The following ACOXL variants were observed in gnomAD, a reference collection of about 807,000 sequenced individuals.
ACOXL encodes the protein acyl-CoA oxidase like.
Under a neutral mutation model 71.9 loss-of-function variants are expected in ACOXL, and 70 were observed. That is an observed-to-expected ratio of 0.97 (90% CI 0.80 to 1.19). The LOEUF (loss-of-function observed/expected upper bound fraction) is 1.19. Ranked by LOEUF, ACOXL falls within the 50% of genes most tolerant of loss-of-function variation. The probability of loss-of-function intolerance (pLI) is 0.00; values close to 1 mark genes in which losing one functional copy is unlikely to be tolerated. For missense variants in ACOXL, 703 were observed against 736.3 expected, an observed-to-expected ratio of 0.95 and a Z score of 0.52; for synonymous variants, 253 against 281.6, an observed-to-expected ratio of 0.90 and a Z score of 1.02.
At chr2:111,081,173 C>T (rs1396328955) in intron 16 of ACOXL, among the ~76,000 whole-genome samples, 1 of 152,050 alleles carries the variant, frequency 6.6e-6, no homozygotes. Context: ...CTGGCCAGGG[C>T]AATCAGGCAA....
At position 110,924,728 on chromosome 2, in the gene ACOXL, G is replaced by C. The variant is rs532426829; in HGVS notation, c.906-8761G>C. Among the ~76,000 whole-genome samples the C allele has an allele frequency of 6.6e-4, 100 of 152,102 alleles. 2 individuals are homozygous for C. The highest frequency in any genetic ancestry group is 2.4e-3 in the African/African-American group (98 of 41,514). ...TTGAACCCCTCAAAGTCATCCATGA[G>C]GGTTGGAACATCAACTTCTTCTGAA... On this transcript the variant is annotated intron_variant, in intron 11 of 17. Transcript: ENST00000439055.
intron 10 of ACOXL, among the ~76,000 whole-genome samples, chr2:110,865,152 T>C (rs1466128005): frequency 1.3e-5 from 2 of 152,254 alleles, no homozygotes; most frequent in African/African-American, 4.8e-5. Context: ...ACTGGAAATG[T>C]AGGTATCAAT....
chr2:110,814,752 A>G (rs981031387), intron 9 of ACOXL, among the ~76,000 whole-genome samples: 14 of 152,224 alleles, frequency 9.2e-5, no homozygotes, highest in Non-Finnish European at 2.1e-4. Context: ...ATGTCAAAAT[A>G]TCTTTACAAT....
Position 111,117,902 on chromosome 2 carries a change from G to T in ACOXL, c.*86G>T. 7.1e-7 allele frequency: 1 copy of T among 1,417,872 alleles called. No individual in the cohort carries two copies. The highest frequency in any genetic ancestry group is 9.4e-7 in the Non-Finnish European group (1 of 1,067,796). The allele number at this position is 1,417,872 out of a possible 1,614,324, so 87.8% of individuals were successfully genotyped here. ...GCCCAGAGCTGTGGCCGAGGCCGGG[G>T]GCTGGCACCCGCTGGGCCGCCACTC... On this transcript the variant is annotated 3_prime_UTR_variant, in exon 18 of 18. Coordinates refer to ENST00000439055, the MANE Select transcript of ACOXL (RefSeq NM_001142807.4).
At chr2:110,737,728 T>G (rs58569659) in intron 1 of ACOXL, among the ~76,000 whole-genome samples, 2,753 of 152,260 alleles carry the variant, frequency 0.018, 90 homozygotes, top group African/African-American at 0.06. Flanking sequence ...CTCCTGCCCC[T>G]CATGGACACA....
intron 14 of ACOXL, among the ~76,000 whole-genome samples, chr2:110,999,352 CA>C (rs531384974): frequency 6.6e-6 from 1 of 152,160 alleles, no homozygotes; most frequent in Non-Finnish European, 1.5e-5. Flanking sequence ...TAAATATGGT[CA>C]CATCCTGAGG....
Position 111,118,484 on chromosome 2 carries a change from G to A in ACOXL, c.*668G>A, listed in dbSNP as rs1412341976. 6.6e-6 allele frequency among the ~76,000 whole-genome samples: 1 copy of A among 152,174 alleles called. No individual in the cohort carries two copies. Among genetic ancestry groups the A allele is most frequent in the Non-Finnish European group, 1.5e-5 (1 of 68,038 alleles). Reference sequence around the variant, plus strand: ...GCGGAAAACATTTTTACCATCTGACGCTGTAGTCTGTCCTTTAGAAGAGAA... The same window carrying A: ...GCGGAAAACATTTTTACCATCTGACACTGTAGTCTGTCCTTTAGAAGAGAA... On this transcript the variant is annotated 3_prime_UTR_variant, in exon 18 of 18. Coordinates refer to ENST00000439055, the MANE Select transcript of ACOXL (RefSeq NM_001142807.4).
chr2:111,033,554 C>T (rs1472976916), intron 15 of ACOXL, among the ~76,000 whole-genome samples: 2 of 152,188 alleles, frequency 1.3e-5, no homozygotes, highest in Non-Finnish European at 2.9e-5. Flanking sequence ...GCTCCAGACC[C>T]TAGAGCCCAC....
intron 11 of ACOXL, among the ~76,000 whole-genome samples, chr2:110,914,930 A>G (rs1202019150): frequency 6.6e-6 from 1 of 152,238 alleles, no homozygotes; most frequent in African/African-American, 2.4e-5. Context: ...GCAGACATGC[A>G]ATTTGAAATA....
intron 14 of ACOXL, among the ~76,000 whole-genome samples, chr2:111,030,731 C>CAA (rs77990030): frequency 0.043 from 6,291 of 146,158 alleles, 151 homozygotes; most frequent in African/African-American, 0.065. Flanking sequence ...TCCTTGAGCA[C>CAA]AAAAAAAAAA....
At chr2:111,040,110 C>T (rs1030241373) in intron 15 of ACOXL, among the ~76,000 whole-genome samples, 2 of 152,206 alleles carry the variant, frequency 1.3e-5, no homozygotes, top group Non-Finnish European at 2.9e-5. Flanking sequence ...TTTAAGGAGA[C>T]ACCCAGGTTC....
At chr2:110,993,336 C>G (rs952870608) in intron 13 of ACOXL, among the ~76,000 whole-genome samples, 1 of 152,194 alleles carries the variant, frequency 6.6e-6, no homozygotes, top group African/African-American at 2.4e-5. Flanking sequence ...CTGATATTTT[C>G]CCACCACAGA....
At chr2:110,815,008 G>A (rs917901873) in intron 9 of ACOXL, among the ~76,000 whole-genome samples, 2 of 152,098 alleles carry the variant, frequency 1.3e-5, no homozygotes, top group Non-Finnish European at 2.9e-5. Flanking sequence ...ACCCGAGACT[G>A]GGTAATTTGT....
chr2:111,061,412 A>G (rs1274425328), intron 16 of ACOXL, among the ~76,000 whole-genome samples: 1 of 152,172 alleles, frequency 6.6e-6, no homozygotes, highest in Non-Finnish European at 1.5e-5. Context: ...ACCTATGTCC[A>G]GTGCAAATAT....
chr2:111,004,921 A>G (rs549243162), intron 14 of ACOXL, among the ~76,000 whole-genome samples: 2 of 152,212 alleles, frequency 1.3e-5, no homozygotes, highest in South Asian at 2.1e-4. Context: ...TTTTACAACA[A>G]TCTCATGGCA....
chr2:110,998,700 G>A (rs2063498063), intron 14 of ACOXL, among the ~76,000 whole-genome samples: 1 of 152,142 alleles, frequency 6.6e-6, no homozygotes, highest in Admixed American at 6.5e-5. Flanking sequence ...ATTACAATAT[G>A]ATCCCTTAAG....
intron 12 of ACOXL, among the ~76,000 whole-genome samples, chr2:110,986,531 C>G (rs1204415074): frequency 6.6e-6 from 1 of 152,204 alleles, no homozygotes. Flanking sequence ...GCCTCGTTCA[C>G]ATGTCTAGTG....
chr2:110,863,009 G>C (rs544166057), intron 10 of ACOXL, among the ~76,000 whole-genome samples: 7 of 152,280 alleles, frequency 4.6e-5, no homozygotes, highest in Non-Finnish European at 1.0e-4. Context: ...CTGAGTAACC[G>C]AGTAGGTGTT....
chr2:111,105,262 A>G (rs1409978786), intron 17 of ACOXL, among the ~76,000 whole-genome samples: 3 of 152,160 alleles, frequency 2.0e-5, no homozygotes, highest in African/African-American at 7.2e-5. Context: ...AAAATATGGT[A>G]GTTTGATTCC....
Sources: allele counts gnomAD v4.1 joint callset (sites outside exome capture counted in the v4.1 genomes callset), GRCh38; gene constraint gnomAD v4.1.1; transcripts MANE v1.5; gene names NCBI Gene and HGNC (gene_info 2026-07-23, HGNC 2026-07-21).